Variants in EPB41L3 observed in about 807,000 individuals in gnomAD.
The protein encoded by EPB41L3 is erythrocyte membrane protein band 4.1 like 3, also known as band 4.1-like protein 3.
Under a neutral mutation model 127.1 loss-of-function variants are expected in EPB41L3, and 57 were observed. That is an observed-to-expected ratio of 0.45 (90% CI 0.36 to 0.56). EPB41L3 has a LOEUF of 0.56. Among genes scored for constraint, EPB41L3 ranks in the 20% least tolerant of loss-of-function variants. The probability of loss-of-function intolerance (pLI) is 0.00; values close to 1 mark genes in which losing one functional copy is unlikely to be tolerated. For synonymous variants in EPB41L3, 572 were observed against 549.5 expected, an observed-to-expected ratio of 1.04 and a Z score of -0.57; for missense variants, 1,273 against 1,372.2, an observed-to-expected ratio of 0.93 and a Z score of 1.14.
At chr18:5,440,202 A>T (rs2146102326) in intron 5 of EPB41L3, among the ~76,000 whole-genome samples, 1 of 152,320 alleles carries the variant, frequency 6.6e-6, no homozygotes, top group Non-Finnish European at 1.5e-5. Flanking sequence ...CTAATAATAA[A>T]AATGGGCTTT....
chr18:5,550,449 G>C (rs1035691233), intron 3 of EPB41L3, among the ~76,000 whole-genome samples: 3 of 152,040 alleles, frequency 2.0e-5, no homozygotes, highest in Non-Finnish European at 4.4e-5. Flanking sequence ...ATTTATTAAG[G>C]TTATTTTGGT....
At chr18:5,624,283 C>T (rs139427838) in intron 1 of EPB41L3, among the ~76,000 whole-genome samples, 303 of 152,326 alleles carry the variant, frequency 2.0e-3, no homozygotes, top group East Asian at 0.016. Flanking sequence ...GTGTGAGCCA[C>T]GGTGTCTGGC....
chr18:5,470,668 A>C (rs1376851356), intron 3 of EPB41L3, among the ~76,000 whole-genome samples: 1 of 152,254 alleles, frequency 6.6e-6, no homozygotes, highest in Non-Finnish European at 1.5e-5. Flanking sequence ...GGACAATGAA[A>C]ATAACCTTGT....
intron 3 of EPB41L3, among the ~76,000 whole-genome samples, chr18:5,576,694 C>T (rs72868472): frequency 1.6e-4 from 24 of 152,278 alleles, no homozygotes; most frequent in Non-Finnish European, 3.2e-4. Flanking sequence ...GTGGGCAGCC[C>T]CATGCCTCTG....
intron 11 of EPB41L3, among the ~76,000 whole-genome samples, chr18:5,422,736 G>C (rs1287418896): frequency 6.6e-6 from 1 of 152,182 alleles, no homozygotes; most frequent in African/African-American, 2.4e-5. Flanking sequence ...ATTCACTGTT[G>C]TGTTATCCCC....
At chr18:5,519,744 C>T (rs1160196204) in intron 1 of EPB41L3, among the ~76,000 whole-genome samples, 1 of 152,222 alleles carries the variant, frequency 6.6e-6, no homozygotes, top group Non-Finnish European at 1.5e-5. Flanking sequence ...GCGTGCAGGA[C>T]AGTCTTTGTT....
chr18:5,578,770 A>G (rs989520213), intron 3 of EPB41L3, among the ~76,000 whole-genome samples: 1 of 152,236 alleles, frequency 6.6e-6, no homozygotes, highest in Non-Finnish European at 1.5e-5. Context: ...AAAAAGTCTC[A>G]CAATTCCAGG....
At chr18:5,510,133 T>C (rs2092438524) in intron 1 of EPB41L3, among the ~76,000 whole-genome samples, 2 of 152,212 alleles carry the variant, frequency 1.3e-5, no homozygotes, top group African/African-American at 4.8e-5. Flanking sequence ...GATTTTGTTA[T>C]AAAACTAGTA....
intron 3 of EPB41L3, among the ~76,000 whole-genome samples, chr18:5,581,905 G>A (rs1482630315): frequency 5.9e-5 from 9 of 152,218 alleles, no homozygotes; most frequent in African/African-American, 2.2e-4. Context: ...GCTGAGGCAG[G>A]AGGATGGCTT....
At chr18:5,539,995 C>T (rs1164322638) in intron 1 of EPB41L3, among the ~76,000 whole-genome samples, 8 of 152,112 alleles carry the variant, frequency 5.3e-5, no homozygotes, top group Non-Finnish European at 1.0e-4. Context: ...ACATTGCCTA[C>T]CCAATAAGTA....
At chr18:5,508,272 T>C (rs1169269703) in intron 1 of EPB41L3, 3 of 152,194 alleles carry the variant, frequency 2.0e-5, no homozygotes, top group Non-Finnish European at 4.4e-5. Context: ...CCAAGCTGTG[T>C]TTTCCCCTGG....
At position 5,403,602 on chromosome 18, in the gene EPB41L3, A is replaced by C. The variant is rs1185465967; in HGVS notation, c.2349+3175T>G. 2.6e-5 allele frequency among the ~76,000 whole-genome samples: 4 copies of C among 151,538 alleles called. No homozygotes were observed. The East Asian group carries it at 7.7e-4, about 29-fold the overall frequency. ...TTGTCACTGAGACCAAAAAAAAAAAAAAAACAACAACAACTAAGCTTTGGG... is the reference window on the plus strand; with the variant it reads ...TTGTCACTGAGACCAAAAAAAAAAACAAAACAACAACAACTAAGCTTTGGG... On this transcript the variant is annotated intron_variant, in intron 16 of 22. Transcript: ENST00000341928.
chr18:5,396,186 C>T lies in EPB41L3; in HGVS notation c.2973+15G>A, dbSNP rs1355807918. On this transcript the variant is annotated intron_variant, in intron 19 of 22. Coordinates refer to ENST00000341928, the MANE Select transcript of EPB41L3 (RefSeq NM_012307.5). ...AATAAGCAGCCAGGGCTCTGGTCTTCACAGAATATCTCACCTGTGATGATT... is the reference window on the plus strand; with the variant it reads ...AATAAGCAGCCAGGGCTCTGGTCTTTACAGAATATCTCACCTGTGATGATT... 1 of 1,613,922 alleles carries T rather than the reference C, an allele frequency of 6.2e-7. No homozygotes were observed. Among genetic ancestry groups the T allele is most frequent in the East Asian group, 2.2e-5 (1 of 44,898 alleles).
chr18:5,532,335 C>T (rs764377755), intron 1 of EPB41L3, among the ~76,000 whole-genome samples: 4 of 152,098 alleles, frequency 2.6e-5, no homozygotes, highest in Non-Finnish European at 5.9e-5. Context: ...GCACTGAGCA[C>T]GGTGCCAGGT....
At chr18:5,598,733 T>C (rs2094560421) in intron 3 of EPB41L3, among the ~76,000 whole-genome samples, 1 of 152,204 alleles carries the variant, frequency 6.6e-6, no homozygotes, top group African/African-American at 2.4e-5. Flanking sequence ...AAAGCAGATG[T>C]CCTTGCCTTT....
intron 14 of EPB41L3, among the ~76,000 whole-genome samples, chr18:5,409,067 ACACTG>A (rs1427418580): frequency 3.9e-5 from 6 of 152,136 alleles, no homozygotes. Context: ...TTCATATTCT[ACACTG>A]ACCACTGTTG....
chr18:5,548,176 G>A (rs1174692529), upstream of EPB41L3, among the ~76,000 whole-genome samples: 1 of 152,212 alleles, frequency 6.6e-6, no homozygotes, highest in East Asian at 1.9e-4. Context: ...TTCAGCCACA[G>A]CGTTACTGGG....
At chr18:5,590,577 C>T (rs577080452) in intron 3 of EPB41L3, among the ~76,000 whole-genome samples, 19 of 152,044 alleles carry the variant, frequency 1.2e-4, no homozygotes, top group African/African-American at 4.6e-4. Flanking sequence ...CACACACACA[C>T]ACACACACAA....
intron 1 of EPB41L3, among the ~76,000 whole-genome samples, chr18:5,496,996 T>G (rs1376093573): frequency 6.6e-6 from 1 of 152,064 alleles, no homozygotes; most frequent in Non-Finnish European, 1.5e-5. Flanking sequence ...GACTGGATGG[T>G]TAGGGAAGGC....
Sources: allele counts gnomAD v4.1 joint callset (sites outside exome capture counted in the v4.1 genomes callset), GRCh38; gene constraint gnomAD v4.1.1; transcripts MANE v1.5; gene names NCBI Gene and HGNC (gene_info 2026-07-23, HGNC 2026-07-21).